Variants in UBE2E3 observed in about 807,000 individuals in gnomAD.
The protein encoded by UBE2E3 is ubiquitin-conjugating enzyme E2 E3.
A neutral mutation model predicts 23.6 loss-of-function variants in UBE2E3; 5 were observed. That is an observed-to-expected ratio of 0.21 (90% confidence interval 0.11 to 0.44). The LOEUF (loss-of-function observed/expected upper bound fraction) is 0.44. UBE2E3 is among the 20% of genes least tolerant of loss of function. The probability of loss-of-function intolerance (pLI) is 0.99; values close to 1 mark genes in which losing one functional copy is unlikely to be tolerated. For missense variants in UBE2E3, 81 were observed against 249.8 expected (o/e 0.32, Z 4.55); for synonymous variants, 78 against 87.5 (o/e 0.89, Z 0.60).
intron 5 of UBE2E3, among the ~76,000 whole-genome samples, chr2:181,062,089 A>G (rs1302362786): frequency 6.6e-6 from 1 of 151,732 alleles, no homozygotes; most frequent in Non-Finnish European, 1.5e-5. Context: ...TGCATGTAAG[A>G]ACTCTGGGAA....
intron 3 of UBE2E3, among the ~76,000 whole-genome samples, chr2:181,050,092 A>C (rs932146183): frequency 6.6e-6 from 1 of 151,946 alleles, no homozygotes; most frequent in East Asian, 1.9e-4. Flanking sequence ...GAAGCTGGTA[A>C]GGGATGGTTC....
At chr2:181,035,007 A>G (rs1418989970) in intron 3 of UBE2E3, among the ~76,000 whole-genome samples, 1 of 152,208 alleles carries the variant, frequency 6.6e-6, no homozygotes, top group East Asian at 1.9e-4. Context: ...AGGTGATTCT[A>G]TTTAGATAAA....
chr2:181,016,239 AT>A (rs201755863), intron 3 of UBE2E3, among the ~76,000 whole-genome samples: 5 of 149,408 alleles, frequency 3.3e-5, no homozygotes, highest in Admixed American at 6.7e-5. Context: ...TGGGGTTTAA[AT>A]TTTTTTTTTT....
intron 3 of UBE2E3, among the ~76,000 whole-genome samples, chr2:181,000,351 G>A (rs1218560545): frequency 6.6e-6 from 1 of 152,136 alleles, no homozygotes; most frequent in East Asian, 1.9e-4. Flanking sequence ...CTTACATTTT[G>A]TAAAGGGTTA....
intron 3 of UBE2E3, among the ~76,000 whole-genome samples, chr2:180,985,221 A>C (rs541524611): frequency 6.6e-6 from 1 of 152,316 alleles, no homozygotes; most frequent in African/African-American, 2.4e-5. Context: ...AATGTAAACT[A>C]ATTTTAAGGA....
At chr2:181,047,631 G>GT (rs1340721561) in intron 3 of UBE2E3, among the ~76,000 whole-genome samples, 1 of 151,914 alleles carries the variant, frequency 6.6e-6, no homozygotes, top group Non-Finnish European at 1.5e-5. Flanking sequence ...GTTGATTTTT[G>GT]TTTTGTTTTG....
intron 3 of UBE2E3, among the ~76,000 whole-genome samples, chr2:180,986,409 A>G (rs1480362568): frequency 1.3e-5 from 2 of 152,132 alleles, no homozygotes; most frequent in African/African-American, 4.8e-5. Context: ...GTCCTTGAGT[A>G]GGAATTGGAA....
intron 3 of UBE2E3, among the ~76,000 whole-genome samples, chr2:180,991,643 C>A (rs927281868): frequency 6.6e-6 from 1 of 151,938 alleles, no homozygotes; most frequent in Non-Finnish European, 1.5e-5. Flanking sequence ...ATTTTTTTTG[C>A]GATTTTGTTT....
At chr2:181,007,333 A>G (rs1685182751) in intron 3 of UBE2E3, among the ~76,000 whole-genome samples, 2 of 152,162 alleles carry the variant, frequency 1.3e-5, no homozygotes, top group South Asian at 4.1e-4. Context: ...CTGGGGAGAA[A>G]GAAGGCTAGC....
chr2:181,043,204 T>C (rs1479005991), intron 3 of UBE2E3, among the ~76,000 whole-genome samples: 1 of 152,230 alleles, frequency 6.6e-6, no homozygotes, highest in Admixed American at 6.5e-5. Flanking sequence ...CCTGAACACA[T>C]TTTTTCATTG....
intron 3 of UBE2E3, among the ~76,000 whole-genome samples, chr2:181,003,292 A>C (rs1184103068): frequency 6.6e-6 from 1 of 152,224 alleles, no homozygotes; most frequent in African/African-American, 2.4e-5. Context: ...ACATGAGCTA[A>C]TAATGTATTT....
At chr2:180,983,985 C>A in intron 2 of UBE2E3, 58 bp from the exon 3 acceptor site, 1 of 1,446,430 alleles carries the variant, frequency 6.9e-7, no homozygotes, top group Non-Finnish European at 9.6e-7. Flanking sequence ...AGTGTAATTC[C>A]CTGGTTATTC....
At chr2:181,060,350 T>A (rs1431418627) in intron 4 of UBE2E3, among the ~76,000 whole-genome samples, 1 of 151,754 alleles carries the variant, frequency 6.6e-6, no homozygotes, top group Admixed American at 6.6e-5. Context: ...TATGTATGTG[T>A]ACACACACAG....
rs1283403654 is a variant in UBE2E3, at chr2:181,001,493, AGAGAC to A, written c.245+17401_245+17405del. On this transcript the variant is annotated intron_variant, in intron 3 of 5. Transcript: ENST00000410062. ...CATCAAGAAGTGGAAATACAACAAA[AGAGAC>A]AATTTGGAGAAGGGATGGATTGATA... 2.6e-5 allele frequency among the ~76,000 whole-genome samples: 4 copies of A among 152,330 alleles called. No individual in the cohort carries two copies. In the South Asian group the frequency reaches 6.2e-4, roughly 24 times the overall value.
intron 3 of UBE2E3, among the ~76,000 whole-genome samples, chr2:181,027,035 C>T (rs527907553): frequency 4.6e-5 from 7 of 151,894 alleles, no homozygotes; most frequent in East Asian, 3.9e-4. Flanking sequence ...CAGAGAATTG[C>T]GCAGAGTATC....
Position 180,984,040 on chromosome 2 carries a change from C to T in UBE2E3, c.195-3C>T, listed in dbSNP as rs1228728969. ...TTTTTGTCTCTTCTCATTTCACTAA[C>T]AGAATTCAGAAGGAGCTAGCTGAAA... On this transcript the variant is annotated splice_region_variant and splice_polypyrimidine_tract_variant and intron_variant, in intron 2 of 5. Coordinates refer to ENST00000410062, the MANE Select transcript of UBE2E3 (RefSeq NM_006357.4). 1.9e-6 allele frequency: 3 copies of T among 1,610,142 alleles called. No homozygotes were observed. Among genetic ancestry groups the T allele is most frequent in the South Asian group, 1.1e-5 (1 of 90,416 alleles).
intron 3 of UBE2E3, among the ~76,000 whole-genome samples, chr2:181,045,257 C>A (rs1686642020): frequency 6.6e-6 from 1 of 152,138 alleles, no homozygotes. Context: ...ATTATTGTTA[C>A]AGCTTTTTGA....
intron 3 of UBE2E3, among the ~76,000 whole-genome samples, chr2:181,012,537 A>T (rs1685362779): frequency 6.6e-6 from 1 of 152,152 alleles, no homozygotes; most frequent in African/African-American, 2.4e-5. Flanking sequence ...CATTTATTTG[A>T]CAACCACACA....
chr2:181,034,647 G>A (rs1413745091), intron 3 of UBE2E3, among the ~76,000 whole-genome samples: 1 of 152,002 alleles, frequency 6.6e-6, no homozygotes, highest in Non-Finnish European at 1.5e-5. Context: ...TGCACGTTGT[G>A]CACATGTACC....
Sources: allele counts gnomAD v4.1 joint callset (sites outside exome capture counted in the v4.1 genomes callset), GRCh38; gene constraint gnomAD v4.1.1; transcripts MANE v1.5; gene names NCBI Gene and HGNC (gene_info 2026-07-23, HGNC 2026-07-21).